Variants in AFF3 observed in about 807,000 individuals in gnomAD.
AFF3 encodes the protein ALF transcription elongation factor 3.
In AFF3, 32 loss-of-function variants were observed where a neutral mutation model predicts 129.7. The observed-to-expected ratio is 0.25, with a 90% CI of 0.19 to 0.33. AFF3 has a LOEUF of 0.33. Among genes scored for constraint, AFF3 ranks in the 10% least tolerant of loss-of-function variants. AFF3 has a pLI of 1.00. For missense variants in AFF3, 1,373 were observed against 1,592.0 expected (o/e 0.86, Z 2.34); for synonymous variants, 644 against 635.4 (o/e 1.01, Z -0.20).
intron 12 of AFF3, among the ~76,000 whole-genome samples, chr2:99,653,824 C>T (rs1473214386): frequency 6.6e-6 from 1 of 151,940 alleles, no homozygotes; most frequent in African/African-American, 2.4e-5. Context: ...TGTATGCTAC[C>T]ACGCATGCAA....
At chr2:99,716,050 C>T (rs1416560032) in intron 11 of AFF3, among the ~76,000 whole-genome samples, 1 of 152,108 alleles carries the variant, frequency 6.6e-6, no homozygotes, top group Non-Finnish European at 1.5e-5. Context: ...AGGATATGCT[C>T]TTGGGATCTG....
At chr2:100,014,000 C>T (rs1036496844) in intron 4 of AFF3, among the ~76,000 whole-genome samples, 9 of 152,098 alleles carry the variant, frequency 5.9e-5, no homozygotes, top group African/African-American at 2.4e-5. Flanking sequence ...GGAGCCAGGA[C>T]AGCCTGCCCT....
At chr2:100,128,373 A>G (rs928939161) in intron 2 of AFF3, among the ~76,000 whole-genome samples, 1 of 152,148 alleles carries the variant, frequency 6.6e-6, no homozygotes, top group African/African-American at 2.4e-5. Context: ...ACAGGTATGG[A>G]TAATACCACC....
chr2:100,105,473 G>T (rs1559128877), intron 3 of AFF3, 31 bp downstream of exon 3: 1 of 1,325,580 alleles, frequency 7.5e-7, no homozygotes, highest in South Asian at 1.2e-5. Flanking sequence ...GCCAGCCCTG[G>T]AAACCAACCT....
At chr2:99,606,355 AC>A (rs1229335192) in intron 13 of AFF3, among the ~76,000 whole-genome samples, 8 of 152,276 alleles carry the variant, frequency 5.3e-5, no homozygotes, top group Non-Finnish European at 1.2e-4. Flanking sequence ...TTAGCATGCT[AC>A]CTACCAAGTT....
intron 4 of AFF3, among the ~76,000 whole-genome samples, chr2:100,036,134 T>TGAA (rs1491274935): frequency 9.3e-5 from 6 of 64,328 alleles, no homozygotes; most frequent in Non-Finnish European, 8.3e-5. Context: ...AATACAGTGC[T>TGAA]AAAAAAAAAA....
chr2:99,826,792 C>G (rs1688115189), intron 8 of AFF3, among the ~76,000 whole-genome samples: 2 of 152,146 alleles, frequency 1.3e-5, no homozygotes, highest in Admixed American at 1.3e-4. Flanking sequence ...AGGGGAGAGC[C>G]ACGAACAGGT....
At chr2:100,125,931 G>C (rs1428228234) in intron 2 of AFF3, among the ~76,000 whole-genome samples, 1 of 152,200 alleles carries the variant, frequency 6.6e-6, no homozygotes, top group Non-Finnish European at 1.5e-5. Context: ...AACTGCTCAA[G>C]AAATGCTCTG....
intron 7 of AFF3, among the ~76,000 whole-genome samples, chr2:99,939,289 TA>T (rs1674809744): frequency 1.3e-5 from 2 of 152,386 alleles, no homozygotes; most frequent in South Asian, 2.1e-4. Flanking sequence ...ACTTAATGCA[TA>T]CCTGGTCATT....
chr2:99,964,562 T>TA (rs1410722256), intron 7 of AFF3, among the ~76,000 whole-genome samples: 5 of 152,128 alleles, frequency 3.3e-5, no homozygotes, highest in African/African-American at 1.2e-4. Flanking sequence ...TAGAATGTAA[T>TA]AAATATAAAA....
At chr2:99,855,061 G>T (rs937956140) in intron 7 of AFF3, among the ~76,000 whole-genome samples, 2 of 152,052 alleles carry the variant, frequency 1.3e-5, no homozygotes, top group African/African-American at 4.8e-5. Flanking sequence ...GTAAACATCG[G>T]TGAAAATCTC....
chr2:99,923,021 T>C (rs939523056), intron 7 of AFF3, among the ~76,000 whole-genome samples: 4 of 152,194 alleles, frequency 2.6e-5, no homozygotes, highest in Non-Finnish European at 5.9e-5. Context: ...ACCTTATAAA[T>C]GTTTCTGATT....
chr2:99,907,584 G>T (rs1226803781), intron 7 of AFF3, among the ~76,000 whole-genome samples: 4 of 149,558 alleles, frequency 2.7e-5, no homozygotes, highest in Admixed American at 2.7e-4. Context: ...CATTGCCTTT[G>T]GTCTTTTAAT....
At chr2:99,766,630 C>G (rs1435441793) in intron 8 of AFF3, among the ~76,000 whole-genome samples, 1 of 152,048 alleles carries the variant, frequency 6.6e-6, no homozygotes, top group Non-Finnish European at 1.5e-5. Flanking sequence ...CATTCCCCCC[C>G]AAAAGTTCAT....
At chr2:99,581,486 CCTCATCTTT>C (rs937163421) in intron 17 of AFF3, among the ~76,000 whole-genome samples, 2 of 152,020 alleles carry the variant, frequency 1.3e-5, no homozygotes, top group Non-Finnish European at 2.9e-5. Context: ...CTGCTCCCTC[CCTCATCTTT>C]CTCATCTTTC....
intron 7 of AFF3, among the ~76,000 whole-genome samples, chr2:99,998,872 T>C (rs540232510): frequency 6.6e-5 from 10 of 152,196 alleles, no homozygotes; most frequent in African/African-American, 2.4e-4. Context: ...GGCCAATGGG[T>C]GTTTCTAAGA....
At chr2:99,920,186 G>A (rs1237025130) in intron 7 of AFF3, among the ~76,000 whole-genome samples, 1 of 151,952 alleles carries the variant, frequency 6.6e-6, no homozygotes, top group East Asian at 1.9e-4. Flanking sequence ...GAAAATGAAG[G>A]AGAGAACACT....
At chr2:100,082,942 T>C (rs1436842930) in intron 4 of AFF3, among the ~76,000 whole-genome samples, 1 of 152,058 alleles carries the variant, frequency 6.6e-6, no homozygotes, top group African/African-American at 2.4e-5. Context: ...TAGCTGGGCA[T>C]GGTGATGCAT....
chr2:99,820,336 T>A (rs1239608106), intron 8 of AFF3, among the ~76,000 whole-genome samples: 1 of 152,172 alleles, frequency 6.6e-6, no homozygotes, highest in African/African-American at 2.4e-5. Flanking sequence ...GTATGTTGTG[T>A]ATCTGAACAT....
Sources: gnomAD v4.1 joint callset for allele counts (sites outside exome capture counted in the v4.1 genomes callset) on GRCh38, gnomAD v4.1.1 for gene constraint, MANE v1.5 for transcripts, NCBI Gene and HGNC (gene_info 2026-07-23, HGNC 2026-07-21) for gene names.